Variants in PTPRN2 observed in about 807,000 individuals in gnomAD.
The protein encoded by PTPRN2 is receptor-type tyrosine-protein phosphatase N2.
In PTPRN2, 74 loss-of-function variants were observed where a neutral mutation model predicts 118.8. The ratio of observed to expected loss-of-function variants is 0.62; its 90% CI spans 0.52 to 0.76. The LOEUF (loss-of-function observed/expected upper bound fraction) is 0.76, where lower values mean the gene tolerates loss of function less well. Ranked by LOEUF, PTPRN2 falls within the 30% of genes least tolerant of loss-of-function variation. PTPRN2 has a pLI of 0.00. For synonymous variants in PTPRN2, 641 were observed against 608.0 expected, an observed-to-expected ratio of 1.05 and a Z score of -0.80; for missense variants, 1,481 against 1,394.4, an observed-to-expected ratio of 1.06 and a Z score of -0.99.
rs1818663789 is a variant in PTPRN2 at position 158,458,006 on chromosome 7, AC to A, written c.163+31728del. ...AGTTTTAGAAATTGGGAGTGAGAAGACGTGGTTGAAAACTGAGGTGAAAGCT... is the reference window on the plus strand; with the variant it reads ...AGTTTTAGAAATTGGGAGTGAGAAGAGTGGTTGAAAACTGAGGTGAAAGCT... On this transcript the variant is annotated intron_variant, in intron 2 of 22. Transcript: ENST00000389418. Among the ~76,000 whole-genome samples, 4 of 152,318 alleles carry A rather than the reference AC, an allele frequency of 2.6e-5. No homozygotes were observed. The South Asian group carries it at 8.3e-4, about 32-fold the overall frequency.
intron 17 of PTPRN2, among the ~76,000 whole-genome samples, chr7:157,580,003 G>C (rs532463041): frequency 6.6e-6 from 1 of 152,146 alleles, no homozygotes; most frequent in Admixed American, 6.5e-5. Context: ...AGAATACATC[G>C]CAAAAAGTTA....
At chr7:158,020,532 T>C (rs535438579) in intron 11 of PTPRN2, among the ~76,000 whole-genome samples, 46 of 152,128 alleles carry the variant, frequency 3.0e-4, no homozygotes, top group African/African-American at 1.1e-3. Flanking sequence ...GTGGGCTTGA[T>C]AGTGGGTGCG....
At chr7:158,270,818 C>CCCCGTCCACCTGGACCG (rs1798332803) in intron 3 of PTPRN2, among the ~76,000 whole-genome samples, 1 of 9,834 alleles carries the variant, frequency 1.0e-4, no homozygotes, top group African/African-American at 3.4e-4. Context: ...ACCTGGACCG[C>CCCCGTCCACCTGGACCG]CCCCTCCACC....
intron 12 of PTPRN2, among the ~76,000 whole-genome samples, chr7:157,693,431 G>A (rs1797616074): frequency 6.6e-6 from 1 of 152,112 alleles, no homozygotes; most frequent in Admixed American, 6.5e-5. Context: ...GACGGGGTAG[G>A]CTCGGGGAAC....
In PTPRN2 at chr7:158,188,272, C is replaced by A. The variant is rs1260828884; in HGVS notation, c.549+4055G>T. The stretch of plus-strand genomic sequence containing the variant: ...TGGGGAAGGCCGCCACGCTCGCCCC[C>A]TGTATGGGGAAGGCCGCCACGCTCG... On this transcript the variant is annotated intron_variant, in intron 5 of 22. Transcript: ENST00000389418. Among the ~76,000 whole-genome samples the A allele has an allele frequency of 5.8e-5, 5 of 86,802 alleles. 1 individual carries two copies. In the South Asian group the frequency reaches 1.8e-3, roughly 30 times the overall value. The allele number at this position is 86,802 out of a possible 152,430, so 56.9% of individuals were successfully genotyped here.
chr7:157,595,511 G>A (rs1264603801), intron 16 of PTPRN2, among the ~76,000 whole-genome samples, 196 bp from the exon 17 acceptor site: 6 of 115,282 alleles, frequency 5.2e-5, no homozygotes, highest in Admixed American at 1.6e-4. Flanking sequence ...TAGGAAGCCC[G>A]GAGGTTAGGA....
intron 11 of PTPRN2, among the ~76,000 whole-genome samples, chr7:158,071,066 CT>C (rs1811395939): frequency 1.5e-5 from 1 of 67,700 alleles, no homozygotes; most frequent in Non-Finnish European, 2.7e-5. Context: ...GGTGGAGGTG[CT>C]CGTGGTGGTG....
chr7:158,453,482 T>C (rs922580134), intron 2 of PTPRN2, among the ~76,000 whole-genome samples: 7 of 152,030 alleles, frequency 4.6e-5, no homozygotes, highest in Non-Finnish European at 1.0e-4. Context: ...CACCCTACAG[T>C]GCAGGGGGCA....
chr7:157,752,929 C>T (rs368155717), intron 12 of PTPRN2, among the ~76,000 whole-genome samples: 1 of 151,374 alleles, frequency 6.6e-6, no homozygotes, highest in South Asian at 2.1e-4. Flanking sequence ...TCTGGCAGCA[C>T]CCACTCCTGC....
intron 15 of PTPRN2, among the ~76,000 whole-genome samples, chr7:157,613,366 G>A (rs1377856086): frequency 6.6e-6 from 1 of 152,364 alleles, no homozygotes; most frequent in African/African-American, 2.4e-5. Context: ...TTCTGGCAGA[G>A]ACGGCTGCGG....
chr7:157,675,261 G>A (rs943254037), intron 13 of PTPRN2, among the ~76,000 whole-genome samples: 3 of 152,176 alleles, frequency 2.0e-5, no homozygotes, highest in African/African-American at 7.2e-5. Context: ...CCTGACCAGG[G>A]CTTCCCTCCT....
chr7:158,389,160 A>C (rs1264440005), intron 2 of PTPRN2, among the ~76,000 whole-genome samples: 1 of 152,234 alleles, frequency 6.6e-6, no homozygotes, highest in East Asian at 1.9e-4. Flanking sequence ...TGGGCCCTGA[A>C]GCCCTCGGCA....
chr7:158,269,739 C>T (rs1440801319), intron 3 of PTPRN2, among the ~76,000 whole-genome samples: 1 of 109,972 alleles, frequency 9.1e-6, no homozygotes, highest in Non-Finnish European at 1.8e-5. Flanking sequence ...AACAGAGAGA[C>T]AGAGACAGAG....
intron 3 of PTPRN2, among the ~76,000 whole-genome samples, chr7:158,211,277 G>A (rs1171594835): frequency 6.6e-6 from 1 of 152,162 alleles, no homozygotes; most frequent in Non-Finnish European, 1.5e-5. Context: ...GATTTATTTA[G>A]TAATACCCCA....
At chr7:158,489,600 A>C (rs1586787946) in intron 2 of PTPRN2, 135 bp downstream of exon 2, 2 of 872,684 alleles carry the variant, frequency 2.3e-6, no homozygotes, top group East Asian at 6.7e-5. Flanking sequence ...CCGGGGTTCC[A>C]TCCGCCTCCT....
At chr7:158,229,945 T>A (rs528042940) in intron 3 of PTPRN2, among the ~76,000 whole-genome samples, 4 of 150,898 alleles carry the variant, frequency 2.7e-5, no homozygotes, top group African/African-American at 9.7e-5. Context: ...AGGCATATAA[T>A]AATCAAACTC....
intron 12 of PTPRN2, among the ~76,000 whole-genome samples, chr7:157,853,002 G>T (rs761449889): frequency 6.6e-6 from 1 of 152,268 alleles, no homozygotes; most frequent in East Asian, 1.9e-4. Flanking sequence ...TTTGGAATGT[G>T]GTTTCCCATC....
At chr7:158,124,206 A>G (rs1010481561) in intron 9 of PTPRN2, among the ~76,000 whole-genome samples, 4 of 152,246 alleles carry the variant, frequency 2.6e-5, no homozygotes, top group African/African-American at 9.6e-5. Flanking sequence ...GGCACAAGTT[A>G]CATAAAGAAG....
chr7:157,995,393 T>G (rs937194336), intron 11 of PTPRN2, among the ~76,000 whole-genome samples: 1 of 152,216 alleles, frequency 6.6e-6, no homozygotes, highest in Non-Finnish European at 1.5e-5. Flanking sequence ...ACAAACGCTG[T>G]GTCACACTCT....
Sources: allele counts gnomAD v4.1 joint callset (sites outside exome capture counted in the v4.1 genomes callset), GRCh38; gene constraint gnomAD v4.1.1; transcripts MANE v1.5; gene names NCBI Gene and HGNC (gene_info 2026-07-23, HGNC 2026-07-21).